The following PLEKHH2 variants were observed in gnomAD, a reference collection of about 807,000 sequenced individuals.
The protein encoded by PLEKHH2 is pleckstrin homology, MyTH4 and FERM domain containing H2, also known as pleckstrin homology domain-containing family H member 2.
A neutral mutation model predicts 187.9 loss-of-function variants in PLEKHH2; 129 were observed. The observed-to-expected ratio is 0.69, with a 90% confidence interval of 0.59 to 0.79. The LOEUF (loss-of-function observed/expected upper bound fraction) is 0.79. Among genes scored for constraint, PLEKHH2 ranks in the 30% least tolerant of loss-of-function variants. PLEKHH2 has a pLI of 0.00. For synonymous variants in PLEKHH2, 686 were observed against 605.6 expected, an observed-to-expected ratio of 1.13 and a Z score of -1.95; for missense variants, 2,076 against 1,751.2, an observed-to-expected ratio of 1.19 and a Z score of -3.31.
In PLEKHH2 at chr2:43,707,495, C is replaced by T. The variant is rs1370483915; in HGVS notation, c.1916C>T (p.Ser639Leu). 6.2e-7 allele frequency: 1 copy of T among 1,614,132 alleles called. No individual in the cohort carries two copies. Among genetic ancestry groups the T allele is most frequent in the Admixed American group, 1.7e-5 (1 of 60,016 alleles). The part of the protein sequence containing the change: ...SSRSSSRTSE[S>L]DSRSRSGPGS... ...AGATCCAGCTCCCGGACGTCAGAGTCAGACTCACGCAGTAGGAGTGGGCCA... is the reference window on the plus strand; with the variant it reads ...AGATCCAGCTCCCGGACGTCAGAGTTAGACTCACGCAGTAGGAGTGGGCCA... Residue 639 changes from serine (S) to leucine (L), a missense_variant, in exon 11 of 30, where the codon TCA becomes TTA. Physicochemically the swap from Ser to Leu is moderately radical, Grantham distance 145. Coordinates refer to ENST00000282406, the MANE Select transcript of PLEKHH2 (RefSeq NM_172069.4).
chr2:43,764,277 A>C lies in PLEKHH2; in HGVS notation c.4208A>C (p.Tyr1403Ser), dbSNP rs1045417741. The C allele has an allele frequency of 2.6e-5, 42 of 1,591,038 alleles. No homozygotes were observed. The highest frequency in any genetic ancestry group is 3.6e-5 in the Non-Finnish European group (42 of 1,166,502). The part of the protein sequence containing the change: ...VYKSLMTFGG[Y>S]QDDFMVVINN... ...AAGAGTCTAATGACCTTTGGAGGCTATCAAGATGATTTTATGGTAGTCATT... is the reference window on the plus strand; with the variant it reads ...AAGAGTCTAATGACCTTTGGAGGCTCTCAAGATGATTTTATGGTAGTCATT... Residue 1403 changes from tyrosine to serine, a missense_variant, in exon 29 of 30, where the codon TAT (tyrosine) becomes TCT (serine). Physicochemically the swap from Tyr to Ser is moderately radical, Grantham distance 144 (BLOSUM62 -2). Coordinates refer to ENST00000282406, the MANE Select transcript of PLEKHH2 (RefSeq NM_172069.4).
At chr2:43,752,857 CAGTG>C (rs1282605831) in intron 24 of PLEKHH2, among the ~76,000 whole-genome samples, 1 of 152,194 alleles carries the variant, frequency 6.6e-6, no homozygotes, top group African/African-American at 2.4e-5. Context: ...TGTTGTGTTT[CAGTG>C]AGTAATAGTG....
chr2:43,700,180 A>G lies in PLEKHH2; in HGVS notation c.1222A>G (p.Ser408Gly). The G allele has an allele frequency of 6.2e-7, 1 of 1,614,172 alleles. No homozygotes were observed. The highest frequency in any genetic ancestry group is 8.5e-7 in the Non-Finnish European group (1 of 1,180,024). ...TTCATCGAGTGAAGCCAACACCCCA[A>G]GCCCTATTTTGACCCCAGCTTTAAT... The part of the protein sequence containing the change: ...SSSSSEANTP[S>G]PILTPALMPK... The change falls in exon 8 of 30, where the codon AGC (serine) becomes GGC (glycine). Residue 408 changes from serine to glycine, a missense_variant. Physicochemically the swap from Ser to Gly is moderately conservative, Grantham distance 56. Coordinates refer to ENST00000282406, the MANE Select transcript of PLEKHH2 (RefSeq NM_172069.4).
chr2:43,678,728 A>G (rs527425036), intron 2 of PLEKHH2, 135 bp from the exon 3 acceptor site: 28 of 403,742 alleles, frequency 6.9e-5, no homozygotes, highest in African/African-American at 3.2e-4. Context: ...GACCGTGGGT[A>G]GAGGTGGAAG....
rs1671636793 is a variant in PLEKHH2 at position 43,742,930 on chromosome 2, G to A, written c.3399+12G>A. On this transcript the variant is annotated intron_variant, in intron 22 of 29. Coordinates refer to ENST00000282406, the MANE Select transcript of PLEKHH2 (RefSeq NM_172069.4). ...ATGGGATATACCAGGTAGGTTACCT[G>A]ATGAAAATATGCTTAGCCAACAATC... 1.4e-6 allele frequency: 2 copies of A among 1,481,262 alleles called. No individual in the cohort carries two copies. Among genetic ancestry groups the A allele is most frequent in the Non-Finnish European group, 9.0e-7 (1 of 1,112,434 alleles). 91.8% of individuals were successfully genotyped at this position (1,481,262 alleles called of 1,614,324 possible).
intron 4 of PLEKHH2, among the ~76,000 whole-genome samples, chr2:43,693,676 AT>A (rs1477904673): frequency 7.3e-6 from 1 of 136,302 alleles, no homozygotes; most frequent in African/African-American, 2.8e-5. Flanking sequence ...GTGAGCCGAG[AT>A]TGCACCACTG....
At chr2:43,686,173 T>G (rs1668494739) in intron 3 of PLEKHH2, among the ~76,000 whole-genome samples, 1 of 151,868 alleles carries the variant, frequency 6.6e-6, no homozygotes, top group South Asian at 2.1e-4. Flanking sequence ...TCCTTCTTCC[T>G]CTTCCTCTTC....
chr2:43,648,990 C>T (rs1362864719), intron 2 of PLEKHH2, among the ~76,000 whole-genome samples: 1 of 151,996 alleles, frequency 6.6e-6, no homozygotes, highest in Non-Finnish European at 1.5e-5. Flanking sequence ...ATTATATATG[C>T]CCTATATTTT....
intron 3 of PLEKHH2, chr2:43,692,287 G>A (rs185516415): frequency 6.1e-4 from 214 of 349,672 alleles, no homozygotes; most frequent in Admixed American, 2.8e-3. Context: ...TTATATGATA[G>A]CAATATTCTG....
chr2:43,647,305 C>A (rs1377209592), intron 2 of PLEKHH2, among the ~76,000 whole-genome samples: 2 of 152,184 alleles, frequency 1.3e-5, no homozygotes, highest in Non-Finnish European at 2.9e-5. Flanking sequence ...TCCACATTTA[C>A]AGAAGAGGAA....
intron 2 of PLEKHH2, among the ~76,000 whole-genome samples, chr2:43,649,554 C>G (rs1439107442): frequency 6.6e-6 from 1 of 152,186 alleles, no homozygotes; most frequent in Non-Finnish European, 1.5e-5. Flanking sequence ...ATAGTATATG[C>G]TTTTACCCAA....
At chr2:43,734,382 A>G (rs1671191653) in intron 19 of PLEKHH2, among the ~76,000 whole-genome samples, 1 of 152,240 alleles carries the variant, frequency 6.6e-6, no homozygotes, top group Non-Finnish European at 1.5e-5. Context: ...TTTAAAGAAT[A>G]TTAAATCATT....
At chr2:43,712,442 G>T in intron 15 of PLEKHH2, 59 bp downstream of exon 15, 1 of 1,530,072 alleles carries the variant, frequency 6.5e-7, no homozygotes, top group Non-Finnish European at 8.9e-7. Flanking sequence ...GCCCATGATC[G>T]CTGAAAATGG....
intron 3 of PLEKHH2, among the ~76,000 whole-genome samples, chr2:43,685,578 C>A (rs1668463135): frequency 6.6e-6 from 1 of 151,826 alleles, no homozygotes; most frequent in Non-Finnish European, 1.5e-5. Flanking sequence ...CAGGCATGTG[C>A]CACCACACCC....
rs952358977 is a variant in PLEKHH2 at position 43,767,921 on chromosome 2, T to C, written c.*2323T>C. On this transcript the variant is annotated 3_prime_UTR_variant, in exon 30 of 30. Coordinates refer to ENST00000282406, the MANE Select transcript of PLEKHH2 (RefSeq NM_172069.4). Reference sequence around the variant, plus strand: ...TTACAAGAGAATAATGTTACATGTTTAATTGTAATATTTGTCTCCTATCAT... The same window carrying C: ...TTACAAGAGAATAATGTTACATGTTCAATTGTAATATTTGTCTCCTATCAT... 6.5e-6 allele frequency: 1 copy of C among 152,794 alleles called. No homozygotes were observed. The highest frequency in any genetic ancestry group is 1.5e-5 in the Non-Finnish European group (1 of 68,036). The allele number at this position is 152,794 out of a possible 1,614,324, so 9.5% of individuals were successfully genotyped here. A position where few individuals can be genotyped will look rare whatever the true frequency, so the allele number is the denominator to read the frequency against.
At chr2:43,701,706 TAAA>T (rs34834673) in intron 8 of PLEKHH2, among the ~76,000 whole-genome samples, 2 of 129,696 alleles carry the variant, frequency 1.5e-5, no homozygotes. Flanking sequence ...ACTGCTAGAC[TAAA>T]AAAAAAAAAA....
At chr2:43,731,667 A>T (rs1671047431) in intron 19 of PLEKHH2, 65 bp downstream of exon 19, 2 of 1,029,378 alleles carry the variant, frequency 1.9e-6, no homozygotes, top group Non-Finnish European at 2.7e-6. Flanking sequence ...AAATAATTGG[A>T]AAAAAATTAA....
chr2:43,753,038 A>G (rs1465776073), intron 24 of PLEKHH2, among the ~76,000 whole-genome samples: 1 of 152,184 alleles, frequency 6.6e-6, no homozygotes, highest in Admixed American at 6.5e-5. Flanking sequence ...TTGAGTTGAA[A>G]CCTTCACTTC....
At chr2:43,696,584 C>CT (rs1232138492) in intron 6 of PLEKHH2, among the ~76,000 whole-genome samples, 2 of 150,672 alleles carry the variant, frequency 1.3e-5, no homozygotes, top group Non-Finnish European at 1.5e-5. Flanking sequence ...CTCACCTCCT[C>CT]TTTTTTTTTC....
Sources: gnomAD v4.1 joint callset for allele counts (sites outside exome capture counted in the v4.1 genomes callset) on GRCh38, gnomAD v4.1.1 for gene constraint, MANE v1.5 for transcripts, NCBI Gene and HGNC (gene_info 2026-07-23, HGNC 2026-07-21) for gene names.